The following RBSN variants were observed in gnomAD, a reference collection of about 807,000 sequenced individuals.
RBSN encodes rabenosyn-5.
A neutral mutation model predicts 60.5 loss-of-function variants in RBSN; 34 were observed. That is an observed-to-expected ratio of 0.56 (90% confidence interval 0.43 to 0.75). The LOEUF (loss-of-function observed/expected upper bound fraction) is 0.75, where lower values mean the gene tolerates loss of function less well. RBSN is among the 30% of genes least tolerant of loss of function. The pLI, the probability that RBSN is intolerant of heterozygous loss-of-function variation, is 0.00. For synonymous variants in RBSN, 322 were observed against 366.9 expected (o/e 0.88, Z 1.40); for missense variants, 845 against 986.8 (o/e 0.86, Z 1.92).
rs896246032 is a variant in RBSN, at chr3:15,082,605, T to C, written c.602A>G (p.Lys201Arg). 1.9e-6 allele frequency: 3 copies of C among 1,613,896 alleles called. No homozygotes were observed. Among genetic ancestry groups the C allele is most frequent in the Admixed American group, 1.7e-5 (1 of 60,016 alleles). Residue 201 changes from lysine (K) to arginine (R), a missense_variant, in exon 9 of 14, where the codon AAG becomes AGG. By Grantham distance (26) the Lys-to-Arg change is conservative. Transcript: ENST00000253699. This position sits in a 1 kb window ranked among gnomAD's most constrained non-coding sequence, Gnocchi z 4.2. ...MELISLPLAN[K>R]LTSASKESLS... ...GGACTCCTTGCTGGCACTGGTGAGCTTGTCTGTAACCACAACACCAACAGG... is the reference window on the plus strand; with the variant it reads ...GGACTCCTTGCTGGCACTGGTGAGCCTGTCTGTAACCACAACACCAACAGG...
Position 15,073,877 on chromosome 3 carries a change from T to C in RBSN, c.2260A>G (p.Lys754Glu). ...ACCTCATCCAGGCGGCCGCACTGCT[T>C]GGCATCAAAGATGTATGCCTTGATG... ...DNIKAYIFDA[K>E]QCGRLDEVEV... The change falls in exon 14 of 14, where the codon AAG becomes GAG. Residue 754 changes from lysine to glutamate, a missense_variant. Lys to Glu is a moderately conservative substitution (Grantham distance 56). Coordinates refer to ENST00000253699, the MANE Select transcript of RBSN (RefSeq NM_022340.4). 1 of 1,614,058 alleles carries C rather than the reference T, an allele frequency of 6.2e-7. No individual in the cohort carries two copies. The highest frequency in any genetic ancestry group is 8.5e-7 in the Non-Finnish European group (1 of 1,180,024).
chr3:15,073,953 T>C lies in RBSN; in HGVS notation c.2184A>G (p.Pro728=). 2 of 1,614,108 alleles carry C rather than the reference T, an allele frequency of 1.2e-6. No individual in the cohort carries two copies. The highest frequency in any genetic ancestry group is 1.7e-6 in the Non-Finnish European group (2 of 1,180,000). ...CTTCCTCTATGGGCTCCTCAGCCTC[T>C]GGCCCACTGTCACTGTCCATCTCAA... The part of the protein sequence containing the change: ...NPFEMDSDSG[P]EAEEPIEEEL... The change falls in exon 14 of 14, where the codon CCA becomes CCG. Residue 728 remains proline (P), a synonymous_variant. Coordinates refer to ENST00000253699, the MANE Select transcript of RBSN (RefSeq NM_022340.4).
intron 2 of RBSN, 108 bp downstream of exon 2, chr3:15,098,011 C>T (rs1012727303): frequency 6.6e-6 from 1 of 152,528 alleles, no homozygotes; most frequent in Non-Finnish European, 1.5e-5. Context: ...TGCACTCACC[C>T]CTAACGACCA....
chr3:15,095,221 G>A (rs1223540172), intron 4 of RBSN, among the ~76,000 whole-genome samples: 1 of 151,084 alleles, frequency 6.6e-6, no homozygotes, highest in East Asian at 1.9e-4. Flanking sequence ...ACGGGGTTTC[G>A]CCATGTTGCC....
chr3:15,098,846 G>A (rs537339426), intron 1 of RBSN, among the ~76,000 whole-genome samples, 189 bp downstream of exon 1: 2 of 152,008 alleles, frequency 1.3e-5, no homozygotes, highest in African/African-American at 2.4e-5. Context: ...AAGTGTATAC[G>A]CCCCGCGTAA....
At chr3:15,080,989 G>C (rs1354866254) in intron 9 of RBSN, 187 bp from the exon 10 acceptor site, 4 of 575,114 alleles carry the variant, frequency 7.0e-6, no homozygotes, top group Non-Finnish European at 1.2e-5. Flanking sequence ...GAAAGAAAGT[G>C]AGAATGGAGC....
chr3:15,077,022 G>A lies in RBSN; in HGVS notation c.1101+40C>T. The A allele has an allele frequency of 3.2e-6, 5 of 1,568,432 alleles. No individual in the cohort carries two copies. Among genetic ancestry groups the A allele is most frequent in the South Asian group, 1.1e-5 (1 of 90,122 alleles). Reference sequence around the variant, plus strand: ...TCCTGGGAAGCAAAAGAGCAGGACAGGCCAAGTGCAACATTTATGCCAACC... The same window carrying A: ...TCCTGGGAAGCAAAAGAGCAGGACAAGCCAAGTGCAACATTTATGCCAACC... On this transcript the variant is annotated intron_variant, in intron 12 of 13. Transcript: ENST00000253699. The surrounding 1 kb of genome is among the most constrained non-coding windows in gnomAD (Gnocchi z 4.4).
At position 15,098,455 on chromosome 3, in the gene RBSN, T is replaced by TAAAAAA. The variant is rs1485723784; in HGVS notation, c.-500-187_-500-182dup. Among the ~76,000 whole-genome samples, 2 of 2,738 alleles carry TAAAAAA rather than the reference T, an allele frequency of 7.3e-4. 1 individual carries two copies. 1.8% of individuals were successfully genotyped at this position (2,738 alleles called of 152,430 possible). On this transcript the variant is annotated intron_variant, in intron 1 of 13. Coordinates refer to ENST00000253699, the MANE Select transcript of RBSN (RefSeq NM_022340.4). Reference sequence around the variant, plus strand: ...CTCGCACTCTAAATCACGTAAAAAGTAAAAAAAATAAAAATAAAAAAAATA... The same window carrying TAAAAAA: ...CTCGCACTCTAAATCACGTAAAAAGTAAAAAAAAAAAAAATAAAAATAAAAAAAATA...
intron 4 of RBSN, among the ~76,000 whole-genome samples, chr3:15,092,390 G>A (rs1365017621): frequency 1.3e-5 from 2 of 151,688 alleles, no homozygotes; most frequent in Non-Finnish European, 2.9e-5. Context: ...GCACTAAAGT[G>A]GGTTTTTTTT....
At chr3:15,086,125 T>C (rs950930209) in intron 5 of RBSN, 164 bp from the exon 6 acceptor site, 4 of 499,000 alleles carry the variant, frequency 8.0e-6, no homozygotes, top group Non-Finnish European at 1.5e-5. Context: ...TAGTCAGGCA[T>C]GGGTATGTAC....
At chr3:15,097,468 T>A (rs1390679314) in intron 2 of RBSN, among the ~76,000 whole-genome samples, 1 of 152,106 alleles carries the variant, frequency 6.6e-6, no homozygotes, top group Non-Finnish European at 1.5e-5. Context: ...TGAGCCGAGA[T>A]CATGCCATTG....
intron 4 of RBSN, among the ~76,000 whole-genome samples, chr3:15,094,680 C>T (rs1345472862): frequency 6.6e-6 from 1 of 152,180 alleles, no homozygotes; most frequent in African/African-American, 2.4e-5. Context: ...CCACCAAAGC[C>T]CTCAGGATTT....
In RBSN at chr3:15,089,834, G is replaced by A. The variant is rs975934608; in HGVS notation, c.289+565C>T. On this transcript the variant is annotated intron_variant, in intron 5 of 13. Transcript: ENST00000253699. Reference sequence around the variant, plus strand: ...ACCGTGGTCTGGATCTCCTGACCTCGTGATCTGCCCGCCTCGGCCTCCCAA... The same window carrying A: ...ACCGTGGTCTGGATCTCCTGACCTCATGATCTGCCCGCCTCGGCCTCCCAA... 1.2e-4 allele frequency among the ~76,000 whole-genome samples: 18 copies of A among 152,208 alleles called. No individual in the cohort carries two copies. The East Asian group carries it at 1.4e-3, about 11-fold the overall frequency.
Position 15,082,449 on chromosome 3 carries a change from G to A in RBSN, c.758C>T (p.Thr253Ile). ...CTTGAGCAGCGTGTCCTTGCAGTGT[G>A]TACAGCAGCGGATCCGGTCATCGTC... ...EKDDDRIRCC[T>I]HCKDTLLKRE... The change falls in exon 9 of 14, where the codon ACA (threonine) becomes ATA (isoleucine). Residue 253 changes from threonine to isoleucine, a missense_variant. Coordinates refer to ENST00000253699, the MANE Select transcript of RBSN (RefSeq NM_022340.4). This position sits in a 1 kb window ranked among gnomAD's most constrained non-coding sequence, Gnocchi z 4.2. 4 of 1,614,198 alleles carry A rather than the reference G, an allele frequency of 2.5e-6. No individual in the cohort carries two copies. Among genetic ancestry groups the A allele is most frequent in the Non-Finnish European group, 3.4e-6 (4 of 1,180,022 alleles).
At position 15,077,661 on chromosome 3, in the gene RBSN, G is replaced by T. The variant is rs2043087877; in HGVS notation, c.998+414C>A. Among the ~76,000 whole-genome samples the T allele has an allele frequency of 6.6e-6, 1 of 152,192 alleles. No individual in the cohort carries two copies. Among genetic ancestry groups the T allele is most frequent in the Non-Finnish European group, 1.5e-5 (1 of 68,026 alleles). On this transcript the variant is annotated intron_variant, in intron 11 of 13. Transcript: ENST00000253699. This position sits in a 1 kb window ranked among gnomAD's most constrained non-coding sequence, Gnocchi z 4.4. ...GCCAGTCCACAGTTAAAAAGCAGCT[G>T]TGGACTTGAGCACAGACACAAAGAA...
Position 15,090,515 on chromosome 3 carries a change from G to C in RBSN, c.173C>G (p.Ala58Gly), listed in dbSNP as rs2043484444. 1 of 1,613,988 alleles carries C rather than the reference G, an allele frequency of 6.2e-7. No individual in the cohort carries two copies. The highest frequency in any genetic ancestry group is 1.1e-5 in the South Asian group (1 of 91,074). ...IKSLVQKAKK[A>G]KDRLLKREGD... ...TTCTCGTTTCAACAACCTGTCCTTTGCTTTTTTAGCCTTCTGGACAAGACC... is the reference window on the plus strand; with the variant it reads ...TTCTCGTTTCAACAACCTGTCCTTTCCTTTTTTAGCCTTCTGGACAAGACC... The change falls in exon 5 of 14, where the codon GCA becomes GGA. Residue 58 changes from alanine to glycine, a missense_variant. Physicochemically the swap from Ala to Gly is moderately conservative, Grantham distance 60. Coordinates refer to ENST00000253699, the MANE Select transcript of RBSN (RefSeq NM_022340.4).
intron 5 of RBSN, among the ~76,000 whole-genome samples, chr3:15,089,985 T>A (rs1047008377): frequency 6.6e-6 from 1 of 152,198 alleles, no homozygotes; most frequent in African/African-American, 2.4e-5. Context: ...GATGTTACTA[T>A]AATTATTCAA....
Position 15,072,836 on chromosome 3 carries a change from CCAA to C in RBSN, c.*943_*945del, listed in dbSNP as rs1222009347. The C allele has an allele frequency of 6.6e-6, 1 of 152,290 alleles. No homozygotes were observed. The highest frequency in any genetic ancestry group is 2.4e-5 in the African/African-American group (1 of 41,444). 9.4% of individuals were successfully genotyped at this position (152,290 alleles called of 1,614,324 possible). A position where few individuals can be genotyped will look rare whatever the true frequency, so the allele number is the denominator to read the frequency against. On this transcript the variant is annotated 3_prime_UTR_variant, in exon 14 of 14. Transcript: ENST00000253699. ...TCACAGCATTCTCCTGCCTCAGCCT[CCAA>C]AGTAGCTGGGACTACAGGCACCCAC...
chr3:15,088,738 C>T (rs2043414741), intron 5 of RBSN, among the ~76,000 whole-genome samples: 1 of 152,098 alleles, frequency 6.6e-6, no homozygotes, highest in Admixed American at 6.6e-5. Flanking sequence ...TTCCATTCTC[C>T]AATACAGTAG....
Sources: allele counts gnomAD v4.1 joint callset (sites outside exome capture counted in the v4.1 genomes callset), GRCh38; gene constraint gnomAD v4.1.1; non-coding constraint Gnocchi (gnomAD v3.1); transcripts MANE v1.5; gene names NCBI Gene and HGNC (gene_info 2026-07-23, HGNC 2026-07-21).